Variants in MBD5 observed in about 807,000 individuals in gnomAD.
MBD5 encodes methyl-CpG-binding domain protein 5.
A neutral mutation model predicts 117.3 loss-of-function variants in MBD5; 13 were observed. The ratio of observed to expected loss-of-function variants is 0.11; its 90% CI spans 0.07 to 0.18. The LOEUF (loss-of-function observed/expected upper bound fraction) is 0.18, where lower values mean the gene tolerates loss of function less well. MBD5 is among the 10% of genes least tolerant of loss of function. The pLI is 1.00. For missense variants in MBD5, 1,879 were observed against 2,093.8 expected (o/e 0.90, Z 2.00); for synonymous variants, 727 against 766.4 (o/e 0.95, Z 0.85).
intron 7 of MBD5, among the ~76,000 whole-genome samples, chr2:148,465,900 A>G (rs1013298408): frequency 1.3e-5 from 2 of 152,160 alleles, no homozygotes; most frequent in Non-Finnish European, 2.9e-5. Context: ...ACCAGTTTCT[A>G]CAGAGTCTGC....
chr2:148,476,062 G>A (rs1003817630), intron 8 of MBD5, among the ~76,000 whole-genome samples: 9 of 152,146 alleles, frequency 5.9e-5, no homozygotes, highest in African/African-American at 2.2e-4. Context: ...AGGTATTCCT[G>A]GGGTTGGAGT....
chr2:148,151,477 C>T (rs1484424087), intron 1 of MBD5, among the ~76,000 whole-genome samples: 2 of 152,154 alleles, frequency 1.3e-5, no homozygotes, highest in East Asian at 1.9e-4. Context: ...AGGGAGGATT[C>T]CCTCTTTTTC....
At chr2:148,041,595 A>T (rs1339147607) in intron 1 of MBD5, among the ~76,000 whole-genome samples, 1 of 152,190 alleles carries the variant, frequency 6.6e-6, no homozygotes, top group African/African-American at 2.4e-5. Flanking sequence ...AGTTTACAAC[A>T]GGCCATCTAG....
chr2:148,460,954 G>A (rs1707053631), intron 5 of MBD5, among the ~76,000 whole-genome samples: 1 of 152,062 alleles, frequency 6.6e-6, no homozygotes. Flanking sequence ...TTGTTTTTGA[G>A]ACAAAGTCTC....
chr2:148,380,899 A>T (rs1704121922), intron 4 of MBD5, among the ~76,000 whole-genome samples: 1 of 152,236 alleles, frequency 6.6e-6, no homozygotes, highest in Non-Finnish European at 1.5e-5. Context: ...ACAGACCTGC[A>T]GCTGAGGGTC....
chr2:148,145,611 G>C (rs1232268767), intron 1 of MBD5, among the ~76,000 whole-genome samples: 1 of 152,106 alleles, frequency 6.6e-6, no homozygotes, highest in African/African-American at 2.4e-5. Context: ...TTATTATTTT[G>C]AGATACATCC....
intron 3 of MBD5, among the ~76,000 whole-genome samples, chr2:148,276,301 C>T (rs1574228173): frequency 6.6e-6 from 1 of 152,090 alleles, no homozygotes; most frequent in South Asian, 2.1e-4. Flanking sequence ...CCCTAAGTGA[C>T]AGAGTAAGAC....
At chr2:148,234,321 C>T (rs976750120) in intron 3 of MBD5, among the ~76,000 whole-genome samples, 15 of 151,990 alleles carry the variant, frequency 9.9e-5, no homozygotes, top group Admixed American at 4.6e-4. Flanking sequence ...TCCATGAAAA[C>T]GTGTCTGCTT....
chr2:148,308,280 C>T (rs1374219528), intron 3 of MBD5, among the ~76,000 whole-genome samples: 2 of 152,124 alleles, frequency 1.3e-5, no homozygotes, highest in Non-Finnish European at 2.9e-5. Context: ...GTTCCTATTT[C>T]TCCACATCCT....
intron 4 of MBD5, among the ~76,000 whole-genome samples, chr2:148,365,902 G>A (rs1703683285): frequency 6.6e-6 from 1 of 151,148 alleles, no homozygotes; most frequent in South Asian, 2.1e-4. Flanking sequence ...GAAGTACAAA[G>A]AGGAGCTGGT....
At chr2:148,475,634 A>G (rs1018062967) in intron 8 of MBD5, among the ~76,000 whole-genome samples, 3 of 152,116 alleles carry the variant, frequency 2.0e-5, no homozygotes, top group Admixed American at 2.0e-4. Flanking sequence ...ATTACAACAC[A>G]TTGAGCTCAC....
intron 3 of MBD5, among the ~76,000 whole-genome samples, chr2:148,314,375 G>GTTTTT (rs754531646): frequency 1.3e-5 from 1 of 74,866 alleles, no homozygotes; most frequent in Admixed American, 1.8e-4. Context: ...TCAGTGTTAT[G>GTTTTT]GTTTTTTTTT....
At chr2:148,118,792 T>A (rs1371430011) in intron 1 of MBD5, among the ~76,000 whole-genome samples, 1 of 152,200 alleles carries the variant, frequency 6.6e-6, no homozygotes, top group African/African-American at 2.4e-5. Flanking sequence ...ATATGGTGAT[T>A]TGTCACTGAC....
chr2:148,282,906 C>CA (rs1289730424), intron 3 of MBD5, among the ~76,000 whole-genome samples: 1 of 145,646 alleles, frequency 6.9e-6, no homozygotes, highest in Admixed American at 6.9e-5. Context: ...ACCGCCCCCC[C>CA]CCATCAGATG....
intron 4 of MBD5, among the ~76,000 whole-genome samples, chr2:148,366,426 A>T (rs1703700096): frequency 6.6e-6 from 1 of 152,178 alleles, no homozygotes; most frequent in South Asian, 2.1e-4. Flanking sequence ...CAAGACAAGG[A>T]TGCCCTCTGT....
chr2:148,492,168 G>A (rs1294759086), intron 11 of MBD5, among the ~76,000 whole-genome samples: 3 of 150,178 alleles, frequency 2.0e-5, no homozygotes, highest in South Asian at 2.1e-4. Flanking sequence ...TAGGGGAGAT[G>A]TACTTTAAAA....
chr2:148,283,745 A>G lies in MBD5; in HGVS notation c.-680+50350A>G, dbSNP rs542052761. ...AAAGTACTCTAAATGGACCATGCCTATGCTTACTAGAGCAGTGCAAAGGTT... is the reference window on the plus strand; with the variant it reads ...AAAGTACTCTAAATGGACCATGCCTGTGCTTACTAGAGCAGTGCAAAGGTT... On this transcript the variant is annotated intron_variant, in intron 3 of 13. Coordinates refer to ENST00000642680, the MANE Select transcript of MBD5 (RefSeq NM_001378120.1). Among the ~76,000 whole-genome samples, 65 of 152,324 alleles carry G rather than the reference A, an allele frequency of 4.3e-4. 2 individuals carry two copies. In the East Asian group the frequency reaches 6.0e-3, roughly 14 times the overall value.
At position 148,355,159 on chromosome 2, in the gene MBD5, G is replaced by C. The variant is rs142619193; in HGVS notation, c.-557+12823G>C. Among the ~76,000 whole-genome samples, 702 of 151,950 alleles carry C rather than the reference G, an allele frequency of 4.6e-3. 2 individuals carry two copies. The highest frequency in any genetic ancestry group is 6.9e-3 in the Non-Finnish European group (472 of 67,998). On this transcript the variant is annotated intron_variant, in intron 4 of 13. Coordinates refer to ENST00000642680, the MANE Select transcript of MBD5 (RefSeq NM_001378120.1). The stretch of plus-strand genomic sequence containing the variant: ...TGTAAATTTTTTTAAGTTCCTTGTA[G>C]ATGCTGGATATTAGACCTTTGTCAG...
rs2105132098 is a variant in MBD5, at chr2:148,490,420, C to G, written c.4788C>G (p.Asp1596Glu). 5 of 1,614,004 alleles carry G rather than the reference C, an allele frequency of 3.1e-6. No homozygotes were observed. The East Asian group carries it at 1.1e-4, about 36-fold the overall frequency. The change falls in exon 11 of 14, where the codon GAC becomes GAG. Residue 1596 changes from aspartate to glutamate, a missense_variant. Physicochemically the swap from Asp to Glu is conservative, Grantham distance 45. Around this residue, in one of 4 missense-constraint regions of MBD5, gnomAD observed 7 missense variants for 24.4 expected, o/e 0.29. Transcript: ENST00000642680. ...CTAAAAGCATTAGTAGTGAAGATGA[C>G]CTAAGGAACCCAGACTCCCCCTCTT... The part of the protein sequence containing the change: ...SDAKSISSED[D>E]LRNPDSPSSN...
Sources: allele counts gnomAD v4.1 joint callset (sites outside exome capture counted in the v4.1 genomes callset), GRCh38; gene constraint gnomAD v4.1.1; regional missense constraint gnomAD v4.1.1; transcripts MANE v1.5; gene names NCBI Gene and HGNC (gene_info 2026-07-23, HGNC 2026-07-21).